The following TAOK3 variants were observed in gnomAD, a reference collection of about 807,000 sequenced individuals.
TAOK3 encodes the protein serine/threonine-protein kinase TAO3.
A neutral mutation model predicts 120.4 loss-of-function variants in TAOK3; 40 were observed. The ratio of observed to expected loss-of-function variants is 0.33; its 90% CI spans 0.26 to 0.43. TAOK3 has a LOEUF of 0.43. TAOK3 is among the 20% of genes least tolerant of loss of function. The pLI, the probability that TAOK3 is intolerant of heterozygous loss-of-function variation, is 1.00. For synonymous variants in TAOK3, 355 were observed against 387.5 expected, an observed-to-expected ratio of 0.92 and a Z score of 0.99; for missense variants, 821 against 1,112.1, an observed-to-expected ratio of 0.74 and a Z score of 3.72.
At chr12:118,262,699 C>T (rs2041283502) in intron 2 of TAOK3, among the ~76,000 whole-genome samples, 1 of 150,492 alleles carries the variant, frequency 6.6e-6, no homozygotes, top group Non-Finnish European at 1.5e-5. Context: ...TGGTGTCACA[C>T]ACCTGTAATC....
At chr12:118,212,330 T>A (rs1253971889) in intron 11 of TAOK3, among the ~76,000 whole-genome samples, 1 of 152,230 alleles carries the variant, frequency 6.6e-6, no homozygotes, top group Non-Finnish European at 1.5e-5. Context: ...TACACTGATA[T>A]TGATGCAACA....
chr12:118,226,002 G>A (rs570533445), intron 9 of TAOK3, among the ~76,000 whole-genome samples: 7 of 152,364 alleles, frequency 4.6e-5, no homozygotes, highest in South Asian at 2.1e-4. Context: ...CACTTTGGGA[G>A]GCCGAGGTGG....
intron 9 of TAOK3, among the ~76,000 whole-genome samples, chr12:118,226,101 T>C (rs1008375046): frequency 2.0e-5 from 3 of 151,904 alleles, no homozygotes; most frequent in Non-Finnish European, 2.9e-5. Flanking sequence ...TTAGGCCGGG[T>C]GCGGTGGCTC....
intron 3 of TAOK3, among the ~76,000 whole-genome samples, chr12:118,253,611 T>C (rs927164317): frequency 6.6e-6 from 1 of 151,368 alleles, no homozygotes; most frequent in Non-Finnish European, 1.5e-5. Flanking sequence ...ATGGCAGGTG[T>C]CTGTAATCCC....
rs920837107 is a variant in TAOK3, at chr12:118,372,329, C to T, written c.-194+319G>A. The stretch of plus-strand genomic sequence containing the variant: ...CTCCCCTCATCCCCCTATCCTAGTG[C>T]CTCATGAGGCACCCACCCCTCACCC... On this transcript the variant is annotated intron_variant, in intron 1 of 20. Transcript: ENST00000392533. This position sits in a 1 kb window ranked among gnomAD's most constrained non-coding sequence, Gnocchi z 4.6. 1.1e-4 allele frequency among the ~76,000 whole-genome samples: 16 copies of T among 146,698 alleles called. No homozygotes were observed. The highest frequency in any genetic ancestry group is 2.1e-4 in the Non-Finnish European group (14 of 66,368).
intron 1 of TAOK3, among the ~76,000 whole-genome samples, chr12:118,281,679 G>A (rs1021147126): frequency 6.6e-6 from 1 of 151,652 alleles, no homozygotes; most frequent in African/African-American, 2.4e-5. Context: ...AGATACTCAG[G>A]AGGCTGAGGC....
chr12:118,291,374 T>C (rs758766610), intron 1 of TAOK3, among the ~76,000 whole-genome samples: 5 of 152,106 alleles, frequency 3.3e-5, no homozygotes, highest in Middle Eastern at 6.8e-3. Context: ...TTGGCCAGGC[T>C]GGTCTTGAAG....
At chr12:118,299,836 T>A (rs977125915) in intron 1 of TAOK3, among the ~76,000 whole-genome samples, 7 of 152,112 alleles carry the variant, frequency 4.6e-5, no homozygotes, top group Non-Finnish European at 8.8e-5. Flanking sequence ...TTTTTTTTTT[T>A]AAACTTTGAG....
intron 1 of TAOK3, among the ~76,000 whole-genome samples, chr12:118,287,465 C>T (rs1264836225): frequency 6.6e-6 from 1 of 152,088 alleles, no homozygotes. Flanking sequence ...GTTGGCTAGG[C>T]TGGTCACGAA....
chr12:118,221,495 A>G (rs1406114087), intron 9 of TAOK3, among the ~76,000 whole-genome samples: 1 of 151,708 alleles, frequency 6.6e-6, no homozygotes, highest in Non-Finnish European at 1.5e-5. Context: ...CCAAAGTGCA[A>G]AGTGCTGGGA....
intron 3 of TAOK3, among the ~76,000 whole-genome samples, chr12:118,245,242 A>C (rs375250035): frequency 9.9e-5 from 15 of 151,742 alleles, no homozygotes; most frequent in East Asian, 7.9e-4. Flanking sequence ...CACCATGTTG[A>C]CCAGGCTGGT....
In TAOK3 at chr12:118,150,847, G is replaced by T; in HGVS notation, c.*150C>A. The T allele has an allele frequency of 1.1e-6, 1 of 870,734 alleles. No homozygotes were observed. The highest frequency in any genetic ancestry group is 1.7e-6 in the Non-Finnish European group (1 of 588,698). 53.9% of individuals were successfully genotyped at this position (870,734 alleles called of 1,614,324 possible). On this transcript the variant is annotated 3_prime_UTR_variant, in exon 21 of 21. Coordinates refer to ENST00000392533, the MANE Select transcript of TAOK3 (RefSeq NM_016281.4). ...GCCCCTGATGGAGTAAGAATAAACA[G>T]GCACTAGTCCGACACGATGTCAGTA...
chr12:118,168,741 C>T (rs1477661959), intron 17 of TAOK3, among the ~76,000 whole-genome samples: 1 of 152,146 alleles, frequency 6.6e-6, no homozygotes, highest in Admixed American at 6.6e-5. Context: ...TAGTTTCTAT[C>T]ATTTTTAGGG....
At position 118,161,156 on chromosome 12, in the gene TAOK3, G is replaced by C. The variant is rs528662758; in HGVS notation, c.2139+632C>G. 5.3e-5 allele frequency among the ~76,000 whole-genome samples: 8 copies of C among 152,324 alleles called. No homozygotes were observed. The highest frequency in any genetic ancestry group is 1.2e-4 in the Non-Finnish European group (8 of 68,032). On this transcript the variant is annotated intron_variant, in intron 18 of 20. Coordinates refer to ENST00000392533, the MANE Select transcript of TAOK3 (RefSeq NM_016281.4). This position sits in a 1 kb window ranked among gnomAD's most constrained non-coding sequence, Gnocchi z 4.5. ...AGAGACGCATAGCCAGTGTGATCCA[G>C]GTTGGCCTCATATCTGTGGCAACAC...
rs533985848 is a variant in TAOK3, at chr12:118,215,028, C to T, written c.644-918G>A. Among the ~76,000 whole-genome samples the T allele has an allele frequency of 5.3e-5, 8 of 151,180 alleles. No homozygotes were observed. In the East Asian group the frequency reaches 1.4e-3, roughly 26 times the overall value. On this transcript the variant is annotated intron_variant, in intron 9 of 20. Coordinates refer to ENST00000392533, the MANE Select transcript of TAOK3 (RefSeq NM_016281.4). ...CCAAAGTGCTGGGATTACAGGCATG[C>T]GCCACTGCGCCCGGCCTAATTTTTG...
intron 14 of TAOK3, among the ~76,000 whole-genome samples, chr12:118,182,519 A>G (rs1344677556): frequency 1.3e-5 from 2 of 150,412 alleles, no homozygotes; most frequent in East Asian, 3.9e-4. Context: ...ATATTGCCAA[A>G]TGTTCCCTTG....
chr12:118,207,044 C>T (rs1031409861), intron 11 of TAOK3, among the ~76,000 whole-genome samples: 2 of 151,968 alleles, frequency 1.3e-5, no homozygotes, highest in African/African-American at 2.4e-5. Context: ...AAAAGAAAAT[C>T]GGCCAGGCAC....
chr12:118,202,641 G>A (rs2038081340), intron 11 of TAOK3, among the ~76,000 whole-genome samples: 1 of 151,742 alleles, frequency 6.6e-6, no homozygotes, highest in Admixed American at 6.6e-5. Flanking sequence ...TTTCATATAA[G>A]AATTCTTGAG....
chr12:118,366,548 G>A (rs1239277911), intron 1 of TAOK3, among the ~76,000 whole-genome samples: 1 of 152,082 alleles, frequency 6.6e-6, no homozygotes, highest in Non-Finnish European at 1.5e-5. Flanking sequence ...TTCTCTTATT[G>A]ACACTCAAAA....
Sources: allele counts gnomAD v4.1 joint callset (sites outside exome capture counted in the v4.1 genomes callset), GRCh38; gene constraint gnomAD v4.1.1; non-coding constraint Gnocchi (gnomAD v3.1); transcripts MANE v1.5; gene names NCBI Gene and HGNC (gene_info 2026-07-23, HGNC 2026-07-21).